SHROOM4: variants seen among roughly 807,000 people sequenced by gnomAD.
The protein encoded by SHROOM4 is shroom family member 4.
In SHROOM4, 17 loss-of-function variants were observed where a neutral mutation model predicts 80.3. The ratio of observed to expected loss-of-function variants is 0.21; its 90% CI spans 0.14 to 0.32. The LOEUF (loss-of-function observed/expected upper bound fraction) is 0.32, where lower values mean the gene tolerates loss of function less well. SHROOM4 is among the 10% of genes least tolerant of loss of function. The probability of loss-of-function intolerance (pLI) is 1.00; values close to 1 mark genes in which losing one functional copy is unlikely to be tolerated. For missense variants in SHROOM4, 993 were observed against 1,140.3 expected, an observed-to-expected ratio of 0.87 and a Z score of 1.86; for synonymous variants, 400 against 437.5, an observed-to-expected ratio of 0.91 and a Z score of 1.07.
intron 1 of SHROOM4, among the ~76,000 whole-genome samples, chrX:50,716,179 T>C (rs1394390909): frequency 1.0e-5 from 1 of 98,846 alleles, no homozygotes; most frequent in Admixed American, 1.1e-4. Context: ...TAGAATGGTG[T>C]TTGCCAGGGG....
chrX:50,762,420 G>A (rs2147630359), intron 1 of SHROOM4, among the ~76,000 whole-genome samples: 1 of 111,757 alleles, frequency 8.9e-6, no homozygotes, highest in South Asian at 3.8e-4. Context: ...AATCAATTAA[G>A]GGAAGATAAG....
rs142085105 is a variant in SHROOM4, at chrX:50,710,242, T to C, written c.118-14305A>G. On this transcript the variant is annotated intron_variant, in intron 1 of 8. Coordinates refer to ENST00000376020, the MANE Select transcript of SHROOM4 (RefSeq NM_020717.5). ...ATGTTCATTGCAGCACTATTCACAA[T>C]AGCTACGACATGGAAACCACCTAAG... Among the ~76,000 whole-genome samples the C allele has an allele frequency of 2.0e-3, 222 of 111,836 alleles. 1 individual carries two copies. The highest frequency in any genetic ancestry group is 6.2e-3 in the African/African-American group (191 of 30,776).
intron 2 of SHROOM4, among the ~76,000 whole-genome samples, chrX:50,641,716 A>C (rs1469387072): frequency 3.6e-5 from 4 of 111,346 alleles, no homozygotes; most frequent in Non-Finnish European, 5.7e-5. Context: ...TGGTTCAAGC[A>C]ATTCTCCTGC....
chrX:50,702,850 T>A (rs1369842106), intron 1 of SHROOM4, among the ~76,000 whole-genome samples: 1 of 112,063 alleles, frequency 8.9e-6, no homozygotes, highest in African/African-American at 3.2e-5. Context: ...GGGTAGATTA[T>A]GGGGGCAGTT....
intron 1 of SHROOM4, among the ~76,000 whole-genome samples, chrX:50,785,776 T>C (rs1292169012): frequency 1.8e-5 from 2 of 111,581 alleles, no homozygotes; most frequent in Admixed American, 9.6e-5. Flanking sequence ...CATCAATTTA[T>C]ATACGTATTT....
rs1557245359 is a variant in SHROOM4, at chrX:50,591,198, T to C, written c.*5497A>G. On this transcript the variant is annotated 3_prime_UTR_variant, in exon 9 of 9. Coordinates refer to ENST00000376020, the MANE Select transcript of SHROOM4 (RefSeq NM_020717.5). Reference sequence around the variant, plus strand: ...TTTCTCTTGGGACCCTTGTTGAAATTAACTAACCATATACATGAGGATTTA... The same window carrying C: ...TTTCTCTTGGGACCCTTGTTGAAATCAACTAACCATATACATGAGGATTTA... Among the ~76,000 whole-genome samples the C allele has an allele frequency of 8.9e-6, 1 of 112,244 alleles. No homozygotes were observed. The highest frequency in any genetic ancestry group is 1.9e-5 in the Non-Finnish European group (1 of 53,277).
At chrX:50,777,960 AT>A (rs1557270286) in intron 1 of SHROOM4, among the ~76,000 whole-genome samples, 1 of 111,725 alleles carries the variant, frequency 9.0e-6, no homozygotes, top group African/African-American at 3.3e-5. Flanking sequence ...ACATGTGCTG[AT>A]TTTTTTGGTG....
rs1450019486 is a variant in SHROOM4 at position 50,631,148 on chromosome X, C to T, written c.2895+2030G>A. Among the ~76,000 whole-genome samples, 5 of 111,144 alleles carry T rather than the reference C, an allele frequency of 4.5e-5. No homozygotes were observed. The East Asian group carries it at 1.1e-3, about 25-fold the overall frequency. On this transcript the variant is annotated intron_variant, in intron 4 of 8. Transcript: ENST00000376020. ...ATAAACATAAGGGCAAAATCCTTAA[C>T]AAAATATTAGCAAATCTAGTAACAT...
At chrX:50,576,431 T>G in the SHROOM4 span, among the ~76,000 whole-genome samples, 1 of 111,998 alleles carries the variant, frequency 8.9e-6, no homozygotes, top group Non-Finnish European at 1.9e-5. Context: ...TCCATCTTCC[T>G]CTTTCCACCA....
intron 5 of SHROOM4, among the ~76,000 whole-genome samples, chrX:50,626,946 A>T (rs1930828968): frequency 9.0e-6 from 1 of 111,391 alleles, no homozygotes; most frequent in African/African-American, 3.3e-5. Flanking sequence ...TATTTCACTG[A>T]CTAATCAGTA....
chrX:50,809,659 C>G (rs1184332438), intron 1 of SHROOM4, among the ~76,000 whole-genome samples: 1 of 112,077 alleles, frequency 8.9e-6, no homozygotes, highest in Non-Finnish European at 1.9e-5. Context: ...TCCCCTACCC[C>G]ACTCTGTTTT....
chrX:50,641,613 A>ATT (rs781822604), intron 2 of SHROOM4, among the ~76,000 whole-genome samples: 43 of 98,994 alleles, frequency 4.3e-4, no homozygotes, highest in African/African-American at 1.4e-3. Context: ...GACTCTTACT[A>ATT]TTTTTTTTTT....
At position 50,607,697 on chromosome X, in the gene SHROOM4, C is replaced by T. The variant is rs782281492; in HGVS notation, c.3445G>A (p.Glu1149Lys). Residue 1149 changes from glutamate to lysine, a missense_variant, in exon 6 of 9, where the codon GAG becomes AAG. Coordinates refer to ENST00000376020, the MANE Select transcript of SHROOM4 (RefSeq NM_020717.5). ...EEEEEEEEEE[E>K]EEAEEEEEEL... ...TCTTCCTCCTCCTCTGCCTCCTCCT[C>T]CTCCTCTTCCTCTTCCTCTTCTTCT... 2 of 1,187,315 alleles carry T rather than the reference C, an allele frequency of 1.7e-6. No individual in the cohort carries two copies. Among genetic ancestry groups the T allele is most frequent in the South Asian group, 1.8e-5 (1 of 54,588 alleles).
At chrX:50,672,287 T>C (rs986894084) in intron 2 of SHROOM4, among the ~76,000 whole-genome samples, 6 of 111,833 alleles carry the variant, frequency 5.4e-5, no homozygotes, top group South Asian at 3.8e-4. Context: ...AGTGAGAACA[T>C]GCTATTGGAA....
At chrX:50,723,956 C>CGG (rs1557265695) in intron 1 of SHROOM4, among the ~76,000 whole-genome samples, 1 of 110,407 alleles carries the variant, frequency 9.1e-6, no homozygotes, top group East Asian at 2.9e-4. Context: ...TGCACAGCCA[C>CGG]ACCTCATTGC....
chrX:50,809,636 T>A (rs1557273258), intron 1 of SHROOM4, among the ~76,000 whole-genome samples: 1 of 112,001 alleles, frequency 8.9e-6, no homozygotes, highest in Non-Finnish European at 1.9e-5. Context: ...AGCTTCTTTC[T>A]CCTCCAGGTT....
chrX:50,656,376 T>C (rs1029369114), intron 2 of SHROOM4, among the ~76,000 whole-genome samples: 1 of 112,334 alleles, frequency 8.9e-6, no homozygotes, highest in Non-Finnish European at 1.9e-5. Context: ...GTAGTAGTTT[T>C]AGAGTTTAAG....
At chrX:50,716,010 C>T (rs1324566347) in intron 1 of SHROOM4, among the ~76,000 whole-genome samples, 4 of 110,528 alleles carry the variant, frequency 3.6e-5, no homozygotes, top group Non-Finnish European at 1.9e-5. Flanking sequence ...TACAATGAAA[C>T]ACTATGCAAC....
intron 2 of SHROOM4, among the ~76,000 whole-genome samples, chrX:50,683,180 G>T (rs781948750): frequency 3.2e-4 from 36 of 111,375 alleles, no homozygotes; most frequent in Non-Finnish European, 4.7e-4. Flanking sequence ...ATATATGTGT[G>T]TGTGCATATA....
Sources: allele counts gnomAD v4.1 joint callset (sites outside exome capture counted in the v4.1 genomes callset), GRCh38; gene constraint gnomAD v4.1.1; transcripts MANE v1.5; gene names NCBI Gene and HGNC (gene_info 2026-07-23, HGNC 2026-07-21).